Variants in BNIP3L observed in about 807,000 individuals in gnomAD.
The protein encoded by BNIP3L is BCL2/adenovirus E1B 19 kDa protein-interacting protein 3-like.
Under a neutral mutation model 25.5 loss-of-function variants are expected in BNIP3L, and 10 were observed. The ratio of observed to expected loss-of-function variants is 0.39; its 90% CI spans 0.24 to 0.67. The LOEUF (loss-of-function observed/expected upper bound fraction) is 0.67. Ranked by LOEUF, BNIP3L falls within the 30% of genes least tolerant of loss-of-function variation. The pLI is 0.45. For missense variants in BNIP3L, 215 were observed against 270.9 expected (o/e 0.79, Z 1.45); for synonymous variants, 113 against 101.2 (o/e 1.12, Z -0.70).
intron 2 of BNIP3L, 34 bp downstream of exon 2, chr8:26,391,460 A>G (rs1296177872): frequency 1.3e-6 from 2 of 1,489,852 alleles, no homozygotes. Flanking sequence ...GGAATTCAGG[A>G]AACAGGTGGG....
At position 26,410,414 on chromosome 8, in the gene BNIP3L, G is replaced by A. The variant is rs746380160; in HGVS notation, c.*2G>A. 4 of 1,614,022 alleles carry A rather than the reference G, an allele frequency of 2.5e-6. No individual in the cohort carries two copies. The South Asian group carries it at 3.3e-5, about 13-fold the overall frequency. The stretch of plus-strand genomic sequence containing the variant: ...ACACCCTCTGCCAGCACCTACTGAG[G>A]GAAAGGAAAAGCCCCTGGAAATGCG... On this transcript the variant is annotated 3_prime_UTR_variant, in exon 6 of 6. Coordinates refer to ENST00000380629, the MANE Select transcript of BNIP3L (RefSeq NM_004331.3).
chr8:26,411,612 T>C lies in BNIP3L; in HGVS notation c.*1200T>C, dbSNP rs1806626452. 1.3e-5 allele frequency: 2 copies of C among 152,636 alleles called. No homozygotes were observed. The highest frequency in any genetic ancestry group is 4.1e-4 in the South Asian group (2 of 4,834). 9.5% of individuals were successfully genotyped at this position (152,636 alleles called of 1,614,324 possible). A position where few individuals can be genotyped will look rare whatever the true frequency, so the allele number is the denominator to read the frequency against. ...GTCATTTTCTCATGTAGCTGTCTTT[T>C]CAGTTATGGTAAACTCTTAAAGTTC... On this transcript the variant is annotated 3_prime_UTR_variant, in exon 6 of 6. Coordinates refer to ENST00000380629, the MANE Select transcript of BNIP3L (RefSeq NM_004331.3).
Position 26,395,262 on chromosome 8 carries a change from T to A in BNIP3L, c.317T>A (p.Phe106Tyr). 1 of 1,614,146 alleles carries A rather than the reference T, an allele frequency of 6.2e-7. No individual in the cohort carries two copies. The highest frequency in any genetic ancestry group is 8.5e-7 in the Non-Finnish European group (1 of 1,180,004). Residue 106 changes from phenylalanine (F) to tyrosine (Y), a missense_variant, in exon 3 of 6, where the codon TTT (phenylalanine) becomes TAT (tyrosine). Phe to Tyr is a conservative substitution (Grantham distance 22). Transcript: ENST00000380629. Reference sequence around the variant, plus strand: ...CCACAAGAAGATGGGCAGATCATGTTTGATGTGGAAATGCACACCAGCAGG... The same window carrying A: ...CCACAAGAAGATGGGCAGATCATGTATGATGTGGAAATGCACACCAGCAGG... ...PSPQEDGQIM[F>Y]DVEMHTSRDH... is the part of the protein sequence containing the mutation.
intron 1 of BNIP3L, among the ~76,000 whole-genome samples, chr8:26,387,397 CT>C (rs1201402590): frequency 1.3e-5 from 2 of 152,182 alleles, no homozygotes; most frequent in East Asian, 3.9e-4. Context: ...AAGCTTCCAG[CT>C]TTTAGTTTTC....
At chr8:26,409,708 C>T (rs1421909402) in intron 5 of BNIP3L, among the ~76,000 whole-genome samples, 1 of 152,098 alleles carries the variant, frequency 6.6e-6, no homozygotes, top group African/African-American at 2.4e-5. Flanking sequence ...GATTGTTTGT[C>T]TTGGCTGTAA....
chr8:26,403,702 A>G (rs1806440241), intron 3 of BNIP3L, among the ~76,000 whole-genome samples: 1 of 151,360 alleles, frequency 6.6e-6, no homozygotes, highest in Non-Finnish European at 1.5e-5. Context: ...ACGCCTGGCT[A>G]CTTTTTTATT....
chr8:26,406,357 G>A (rs953610362), intron 3 of BNIP3L, among the ~76,000 whole-genome samples: 2 of 152,214 alleles, frequency 1.3e-5, no homozygotes, highest in African/African-American at 4.8e-5. Context: ...AAACCCTGGT[G>A]CTTAACAGTA....
At position 26,411,355 on chromosome 8, in the gene BNIP3L, A is replaced by C. The variant is rs1358087584; in HGVS notation, c.*943A>C. Reference sequence around the variant, plus strand: ...GGAATGAGTTCCAATTTGTGATGTTAATACAGGCTTCTTGTTTTAGGAAGC... The same window carrying C: ...GGAATGAGTTCCAATTTGTGATGTTCATACAGGCTTCTTGTTTTAGGAAGC... On this transcript the variant is annotated 3_prime_UTR_variant, in exon 6 of 6. Coordinates refer to ENST00000380629, the MANE Select transcript of BNIP3L (RefSeq NM_004331.3). The C allele has an allele frequency of 6.6e-6, 1 of 152,290 alleles. No individual in the cohort carries two copies. The highest frequency in any genetic ancestry group is 2.4e-5 in the African/African-American group (1 of 41,394). The allele number at this position is 152,290 out of a possible 1,614,324, so 9.4% of individuals were successfully genotyped here.
At chr8:26,404,596 C>T (rs752608930) in intron 3 of BNIP3L, among the ~76,000 whole-genome samples, 5 of 152,170 alleles carry the variant, frequency 3.3e-5, no homozygotes, top group South Asian at 2.1e-4. Context: ...CTCACTGCAA[C>T]CTCTGTTTCC....
At chr8:26,392,703 AGTCT>A (rs1806141201) in intron 2 of BNIP3L, among the ~76,000 whole-genome samples, 1 of 152,100 alleles carries the variant, frequency 6.6e-6, no homozygotes, top group African/African-American at 2.4e-5. Context: ...CTACAGCATT[AGTCT>A]GTCTTTCCGA....
At chr8:26,388,402 C>T (rs940994751) in intron 1 of BNIP3L, among the ~76,000 whole-genome samples, 3 of 152,186 alleles carry the variant, frequency 2.0e-5, no homozygotes, top group Admixed American at 6.5e-5. Flanking sequence ...GTACCCTGTG[C>T]GAGGGTAACA....
intron 1 of BNIP3L, among the ~76,000 whole-genome samples, chr8:26,385,091 G>A (rs1409849799): frequency 6.6e-6 from 1 of 152,048 alleles, no homozygotes; most frequent in Non-Finnish European, 1.5e-5. Flanking sequence ...CTTTTCAGTG[G>A]TGCAGAACCT....
intron 1 of BNIP3L, among the ~76,000 whole-genome samples, chr8:26,387,162 CTG>C (rs1041874928): frequency 6.6e-6 from 1 of 152,164 alleles, no homozygotes; most frequent in African/African-American, 2.4e-5. Context: ...GATTATAAAA[CTG>C]TAAAGATTAT....
At chr8:26,403,531 CTTTT>C (rs74738100) in intron 3 of BNIP3L, among the ~76,000 whole-genome samples, 8 of 124,218 alleles carry the variant, frequency 6.4e-5, no homozygotes, top group Non-Finnish European at 8.7e-5. Flanking sequence ...TACTCAGTTT[CTTTT>C]TTTTTTTTTT....
rs1406740787 is a variant in BNIP3L at position 26,395,322 on chromosome 8, AT to A, written c.357+23del. The A allele has an allele frequency of 2.5e-6, 4 of 1,605,800 alleles. No homozygotes were observed. The East Asian group carries it at 8.9e-5, about 36-fold the overall frequency. ...TCTCAGGTGTGTCGGGGGGATTCTG[AT>A]TTACAGTAAACAATTAAGAAAGATG... On this transcript the variant is annotated intron_variant, in intron 3 of 5. Transcript: ENST00000380629.
intron 2 of BNIP3L, among the ~76,000 whole-genome samples, chr8:26,394,284 CAT>C (rs1424819855): frequency 6.6e-6 from 1 of 151,946 alleles, no homozygotes; most frequent in Non-Finnish European, 1.5e-5. Flanking sequence ...TTTGTGCAAT[CAT>C]AAAGGTTTTA....
rs977447941 is a variant in BNIP3L, at chr8:26,407,407, C to T, written c.358-593C>T. Among the ~76,000 whole-genome samples the T allele has an allele frequency of 2.6e-5, 4 of 151,902 alleles. No individual in the cohort carries two copies. The South Asian group carries it at 6.3e-4, about 24-fold the overall frequency. ...TTCACTGTGTTAGCCAGGATGGTCT[C>T]GATCTCCTGACCTTGTGATCCGCTC... is the stretch of plus-strand genomic sequence containing the variant. On this transcript the variant is annotated intron_variant, in intron 3 of 5. Coordinates refer to ENST00000380629, the MANE Select transcript of BNIP3L (RefSeq NM_004331.3).
At chr8:26,409,011 ATCT>A (rs1477515533) in intron 5 of BNIP3L, among the ~76,000 whole-genome samples, 2 of 152,052 alleles carry the variant, frequency 1.3e-5, no homozygotes, top group Non-Finnish European at 2.9e-5. Flanking sequence ...AACTAAACTA[ATCT>A]TTAGCATGTA....
intron 1 of BNIP3L, among the ~76,000 whole-genome samples, chr8:26,384,595 C>G (rs1047134435): frequency 1.3e-5 from 2 of 152,162 alleles, no homozygotes; most frequent in Non-Finnish European, 2.9e-5. Context: ...AACTTCAGAG[C>G]TAGCTAACTG....
Sources: gnomAD v4.1 joint callset for allele counts (sites outside exome capture counted in the v4.1 genomes callset) on GRCh38, gnomAD v4.1.1 for gene constraint, MANE v1.5 for transcripts, NCBI Gene and HGNC (gene_info 2026-07-23, HGNC 2026-07-21) for gene names.